Variants in SGMS2 observed in about 807,000 individuals in gnomAD.
SGMS2 encodes the protein phosphatidylcholine:ceramide cholinephosphotransferase 2.
SGMS2 carries 21 observed loss-of-function variants against 43.8 expected under a neutral mutation model. The observed-to-expected ratio is 0.48, with a 90% CI of 0.34 to 0.69. The LOEUF (loss-of-function observed/expected upper bound fraction) is 0.69. Ranked by LOEUF, SGMS2 falls within the 30% of genes least tolerant of loss-of-function variation. The pLI is 0.01. For synonymous variants in SGMS2, 167 were observed against 160.6 expected (o/e 1.04, Z -0.30); for missense variants, 384 against 443.2 (o/e 0.87, Z 1.20).
chr4:107,824,638 C>G (rs1725463116), upstream of SGMS2: 1 of 152,322 alleles, frequency 6.6e-6, no homozygotes, highest in Non-Finnish European at 1.5e-5. Flanking sequence ...AACTGCCCTG[C>G]CTGCCAAGCC....
chr4:107,841,798 C>T (rs1726525082), intron 1 of SGMS2, among the ~76,000 whole-genome samples: 1 of 151,886 alleles, frequency 6.6e-6, no homozygotes, highest in African/African-American at 2.4e-5. Context: ...ACCATGCATG[C>T]CACCATGTTC....
intron 3 of SGMS2, among the ~76,000 whole-genome samples, chr4:107,896,757 A>G (rs1730704960): frequency 6.6e-6 from 1 of 152,200 alleles, no homozygotes; most frequent in Non-Finnish European, 1.5e-5. Context: ...GAAGACACTT[A>G]AGAATTGGAC....
chr4:107,907,730 T>C (rs1731705834), intron 5 of SGMS2, among the ~76,000 whole-genome samples: 1 of 152,220 alleles, frequency 6.6e-6, no homozygotes, highest in South Asian at 2.1e-4. Flanking sequence ...ATGAAATCAA[T>C]TTCAGTTTAT....
intron 1 of SGMS2, among the ~76,000 whole-genome samples, chr4:107,832,861 C>G (rs550058297): frequency 6.6e-6 from 1 of 152,028 alleles, no homozygotes; most frequent in African/African-American, 2.4e-5. Flanking sequence ...AACCCCTCCT[C>G]TACAAAAAAC....
At chr4:107,879,006 C>A (rs1462245171) in intron 2 of SGMS2, among the ~76,000 whole-genome samples, 2 of 152,074 alleles carry the variant, frequency 1.3e-5, no homozygotes, top group Non-Finnish European at 2.9e-5. Flanking sequence ...TTGTGAGATA[C>A]TCTCAGTTCT....
intron 2 of SGMS2, among the ~76,000 whole-genome samples, chr4:107,862,002 G>C (rs1463922559): frequency 1.3e-5 from 2 of 152,260 alleles, no homozygotes; most frequent in African/African-American, 4.8e-5. Flanking sequence ...TTATTTTCTT[G>C]TTTCTATAGC....
intron 2 of SGMS2, chr4:107,864,503 G>T (rs1402484197): frequency 4.6e-5 from 7 of 152,182 alleles, no homozygotes; most frequent in Admixed American, 4.6e-4. Context: ...TGCCTCAAAA[G>T]CCAGTCATAA....
In SGMS2 at chr4:107,863,935, GC is replaced by G. The variant is rs1727931553; in HGVS notation, c.-245+5384del. On this transcript the variant is annotated intron_variant, in intron 2 of 6. Coordinates refer to ENST00000690982, the MANE Select transcript of SGMS2 (RefSeq NM_001375905.1). Reference sequence around the variant, plus strand: ...TCTGGTGTCTTTGAGTGTGTGGGCTGCCACATTCATTCAACTGCTATTCTAG... The same window carrying G: ...TCTGGTGTCTTTGAGTGTGTGGGCTGCACATTCATTCAACTGCTATTCTAG... 6 of 152,372 alleles carry G rather than the reference GC, an allele frequency of 3.9e-5. No homozygotes were observed. The South Asian group carries it at 1.2e-3, about 32-fold the overall frequency. The allele number at this position is 152,372 out of a possible 1,614,324, so 9.4% of individuals were successfully genotyped here. A position where few individuals can be genotyped will look rare whatever the true frequency, so the allele number is the denominator to read the frequency against.
chr4:107,894,889 T>TA (rs1231557842), intron 2 of SGMS2, among the ~76,000 whole-genome samples: 1 of 152,208 alleles, frequency 6.6e-6, no homozygotes, highest in Non-Finnish European at 1.5e-5. Context: ...ATAAGCCTCT[T>TA]ACCAGTTTTT....
chr4:107,899,341 A>T (rs569569984), intron 3 of SGMS2, among the ~76,000 whole-genome samples: 1 of 152,076 alleles, frequency 6.6e-6, no homozygotes, highest in Non-Finnish European at 1.5e-5. Flanking sequence ...AACCACCTAG[A>T]TTTATTGCAG....
intron 4 of SGMS2, 102 bp from the exon 5 acceptor site, chr4:107,903,131 A>C (rs1731264936): frequency 8.4e-7 from 1 of 1,187,632 alleles, no homozygotes; most frequent in African/African-American, 1.5e-5. Context: ...AAAAGAAAAA[A>C]AAAATCACAA....
intron 3 of SGMS2, among the ~76,000 whole-genome samples, chr4:107,898,791 ACT>A (rs1450020388): frequency 3.9e-5 from 6 of 152,176 alleles, no homozygotes; most frequent in Non-Finnish European, 8.8e-5. Flanking sequence ...CAGGCTGAGG[ACT>A]CAGGTCATGA....
intron 2 of SGMS2, chr4:107,867,562 CAG>C (rs1728219759): frequency 6.6e-6 from 1 of 152,190 alleles, no homozygotes; most frequent in Non-Finnish European, 1.5e-5. Flanking sequence ...CCTGCCGAGT[CAG>C]AGCTACCAAA....
chr4:107,865,163 T>C (rs934578373), intron 2 of SGMS2, among the ~76,000 whole-genome samples: 6 of 152,264 alleles, frequency 3.9e-5, no homozygotes, highest in Admixed American at 2.6e-4. Flanking sequence ...TAGGAATTTA[T>C]AGTTTTAATG....
chr4:107,844,892 G>C (rs925476256), intron 1 of SGMS2, among the ~76,000 whole-genome samples: 3 of 152,164 alleles, frequency 2.0e-5, no homozygotes, highest in Admixed American at 6.5e-5. Context: ...TGTAGCCTTT[G>C]ATCTGTCTTA....
At chr4:107,834,707 C>T (rs533394381) in intron 1 of SGMS2, among the ~76,000 whole-genome samples, 1 of 152,168 alleles carries the variant, frequency 6.6e-6, no homozygotes, top group Non-Finnish European at 1.5e-5. Context: ...TTAGAGTAGA[C>T]AATATCTCAG....
chr4:107,869,666 G>T (rs1020751313), intron 2 of SGMS2, among the ~76,000 whole-genome samples: 1 of 151,834 alleles, frequency 6.6e-6, no homozygotes, highest in Admixed American at 6.6e-5. Flanking sequence ...TGGCATTAGG[G>T]TCATGTTGGG....
chr4:107,854,098 A>T (rs74947030), intron 1 of SGMS2, among the ~76,000 whole-genome samples: 8,949 of 152,288 alleles, frequency 0.059, 367 homozygotes, highest in Admixed American at 0.11. Context: ...TGAAGAAAAC[A>T]TTGTTAAATA....
Position 107,899,786 on chromosome 4 carries a change from G to A in SGMS2, c.573+94G>A, listed in dbSNP as rs190692231. ...TACATTCTTCTAGACACTTCCCTAT[G>A]TGTTAGCTGAAATCTAGCATCTTTT... On this transcript the variant is annotated intron_variant, in intron 4 of 6. Coordinates refer to ENST00000690982, the MANE Select transcript of SGMS2 (RefSeq NM_001375905.1). The A allele has an allele frequency of 8.1e-4, 525 of 649,250 alleles. 2 individuals carry two copies. The highest frequency in any genetic ancestry group is 5.5e-4 in the Non-Finnish European group (220 of 401,066). 40.2% of individuals were successfully genotyped at this position (649,250 alleles called of 1,614,324 possible).
Sources: allele counts gnomAD v4.1 joint callset (sites outside exome capture counted in the v4.1 genomes callset), GRCh38; gene constraint gnomAD v4.1.1; transcripts MANE v1.5; gene names NCBI Gene and HGNC (gene_info 2026-07-23, HGNC 2026-07-21).